RBFOX1: variants seen among roughly 807,000 people sequenced by gnomAD.
The protein encoded by RBFOX1 is RNA binding protein fox-1 homolog 1.
RBFOX1 carries 8 observed loss-of-function variants against 57.7 expected under a neutral mutation model. That is an observed-to-expected ratio of 0.14 (90% CI 0.08 to 0.25). The LOEUF is 0.25. RBFOX1 is among the 10% of genes least tolerant of loss of function. The probability of loss-of-function intolerance (pLI) is 1.00; values close to 1 mark genes in which losing one functional copy is unlikely to be tolerated. For missense variants in RBFOX1, 611 were observed against 548.5 expected (o/e 1.11, Z -1.14); for synonymous variants, 326 against 222.4 (o/e 1.47, Z -4.15).
chr16:7,324,551 G>C (rs955866549), intron 4 of RBFOX1, among the ~76,000 whole-genome samples: 2 of 152,208 alleles, frequency 1.3e-5, no homozygotes, highest in Non-Finnish European at 2.9e-5. Context: ...CGGTTCCTGA[G>C]GCATTGTTGA....
intron 3 of RBFOX1, among the ~76,000 whole-genome samples, chr16:5,655,131 A>T (rs1474367116): frequency 2.0e-5 from 3 of 152,150 alleles, no homozygotes; most frequent in Non-Finnish European, 4.4e-5. Flanking sequence ...TTCAAATGGA[A>T]CATATTTTAT....
chr16:6,408,661 C>T (rs949021614), intron 2 of RBFOX1, among the ~76,000 whole-genome samples: 3 of 152,078 alleles, frequency 2.0e-5, no homozygotes, highest in Admixed American at 6.6e-5. Flanking sequence ...TCTCTGACAC[C>T]GTAGTGTTAT....
intron 3 of RBFOX1, among the ~76,000 whole-genome samples, chr16:5,680,534 A>C (rs1347372991): frequency 6.6e-6 from 1 of 152,172 alleles, no homozygotes; most frequent in Non-Finnish European, 1.5e-5. Context: ...ATAGACTTGG[A>C]GTACATGTCA....
intron 3 of RBFOX1, among the ~76,000 whole-genome samples, chr16:5,605,969 G>T (rs1447174311): frequency 6.6e-6 from 1 of 152,088 alleles, no homozygotes; most frequent in Non-Finnish European, 1.5e-5. Context: ...TTCTCTTTCT[G>T]TATATTCACA....
intron 3 of RBFOX1, among the ~76,000 whole-genome samples, chr16:7,000,193 G>A (rs17833606): frequency 0.21 from 31,755 of 151,870 alleles, 3,696 homozygotes; most frequent in Middle Eastern, 0.33. Flanking sequence ...TGTCATTAGC[G>A]TTATTATGCC....
chr16:6,747,631 G>A (rs888250293), intron 3 of RBFOX1, among the ~76,000 whole-genome samples: 2 of 152,074 alleles, frequency 1.3e-5, no homozygotes, highest in Non-Finnish European at 2.9e-5. Context: ...ATTGTCTCTT[G>A]TATAAAAAGT....
At chr16:6,974,476 C>G (rs373793278) in intron 3 of RBFOX1, among the ~76,000 whole-genome samples, 4 of 151,614 alleles carry the variant, frequency 2.6e-5, no homozygotes, top group African/African-American at 9.7e-5. Context: ...TCCCAAGTAG[C>G]TGAGATAACA....
chr16:5,299,550 G>A (rs76332754), intron 1 of RBFOX1, among the ~76,000 whole-genome samples: 8,898 of 152,206 alleles, frequency 0.058, 851 homozygotes, highest in African/African-American at 0.2. Flanking sequence ...GACAAGCCAC[G>A]TATGAAAGTT....
Position 5,899,132 on chromosome 16 carries a change from G to A in RBFOX1, c.351+31797G>A, listed in dbSNP as rs111391119. ...TGCACTCCAGCCCAGGAAACAGAGC[G>A]AGACCCTGTCTCAAAAAAAAAAAAA... is the stretch of plus-strand genomic sequence containing the variant. On this transcript the variant is annotated intron_variant, in intron 4 of 19. Coordinates refer to the RBFOX1 transcript ENST00000641259. Among the ~76,000 whole-genome samples, 280 of 123,090 alleles carry A rather than the reference G, an allele frequency of 2.3e-3. 3 individuals are homozygous for A. Among genetic ancestry groups the A allele is most frequent in the Middle Eastern group, 8.7e-3 (2 of 230 alleles). 80.8% of individuals were successfully genotyped at this position (123,090 alleles called of 152,430 possible).
At chr16:6,073,524 G>T (rs1325069777) in intron 1 of RBFOX1, among the ~76,000 whole-genome samples, 1 of 152,092 alleles carries the variant, frequency 6.6e-6, no homozygotes, top group Non-Finnish European at 1.5e-5. Context: ...CCCAAAATAC[G>T]TGTAGCATGT....
chr16:7,309,380 T>C (rs1279961584), intron 4 of RBFOX1, among the ~76,000 whole-genome samples: 1 of 152,230 alleles, frequency 6.6e-6, no homozygotes, highest in Non-Finnish European at 1.5e-5. Flanking sequence ...TTAAAATTAC[T>C]TAATCCAACA....
chr16:5,384,759 G>A (rs1259044142), intron 1 of RBFOX1, among the ~76,000 whole-genome samples: 1 of 152,228 alleles, frequency 6.6e-6, no homozygotes, highest in Non-Finnish European at 1.5e-5. Context: ...ATGGACTAGA[G>A]ACTCTAGGGC....
intron 2 of RBFOX1, among the ~76,000 whole-genome samples, chr16:6,357,679 T>C (rs2087616825): frequency 6.6e-6 from 1 of 152,108 alleles, no homozygotes; most frequent in Non-Finnish European, 1.5e-5. Flanking sequence ...ACAGATGCAG[T>C]GGCTCATGCC....
At chr16:6,018,216 G>GGGAGGGAGGAAGGAAT (rs1360259706), upstream of RBFOX1, among the ~76,000 whole-genome samples, 4 of 151,990 alleles carry the variant, frequency 2.6e-5, no homozygotes, top group Non-Finnish European at 5.9e-5. Context: ...GAGGAAGGAA[G>GGGAGGGAGGAAGGAAT]GGAGGGAGGG....
Position 6,977,233 on chromosome 16 carries a change from T to C in RBFOX1, c.-15-74824T>C, listed in dbSNP as rs1444399503. Among the ~76,000 whole-genome samples the C allele has an allele frequency of 2.0e-5, 3 of 149,282 alleles. No homozygotes were observed. The Admixed American group carries it at 2.0e-4, about 10-fold the overall frequency. ...ATATATATTATCATATAATCATATA[T>C]GATTTAAAAAGATCTTGGGCAGATT... On this transcript the variant is annotated intron_variant, in intron 3 of 15. Transcript: ENST00000550418.
intron 3 of RBFOX1, among the ~76,000 whole-genome samples, chr16:6,778,183 A>G (rs1041945887): frequency 1.3e-5 from 2 of 152,148 alleles, no homozygotes; most frequent in Non-Finnish European, 2.9e-5. Context: ...CACACAATCG[A>G]TTAAAACAAT....
chr16:5,690,879 A>C (rs937444563), intron 3 of RBFOX1, among the ~76,000 whole-genome samples: 9 of 152,246 alleles, frequency 5.9e-5, no homozygotes, highest in Non-Finnish European at 8.8e-5. Context: ...TACTTATGCC[A>C]ACAAAACCCT....
chr16:6,924,816 T>C (rs2075225214), intron 3 of RBFOX1, among the ~76,000 whole-genome samples: 1 of 142,430 alleles, frequency 7.0e-6, no homozygotes, highest in Admixed American at 7.1e-5. Context: ...TATCTCCTAA[T>C]GCTATCCCTC....
Position 5,944,987 on chromosome 16 carries a change from A to AAAAAAG in RBFOX1, c.351+77653_351+77654insAAAAGA, listed in dbSNP as rs1555453186. Among the ~76,000 whole-genome samples, 172 of 97,032 alleles carry AAAAAAG rather than the reference A, an allele frequency of 1.8e-3. 2 individuals carry two copies. The highest frequency in any genetic ancestry group is 2.4e-3 in the Non-Finnish European group (113 of 46,258). 63.7% of individuals were successfully genotyped at this position (97,032 alleles called of 152,430 possible). ...CATAAAAAAAAAAAAAAAAAAAAAA[A>AAAAAAG]AGAGAGAGAGAGAGAGAGAAAGAGA... On this transcript the variant is annotated intron_variant, in intron 4 of 19. Transcript: ENST00000641259.
Sources: gnomAD v4.1 joint callset for allele counts (sites outside exome capture counted in the v4.1 genomes callset) on GRCh38, gnomAD v4.1.1 for gene constraint, MANE v1.5 for transcripts, NCBI Gene and HGNC (gene_info 2026-07-23, HGNC 2026-07-21) for gene names.